Variants in TRMT2B observed in about 807,000 individuals in gnomAD.
TRMT2B encodes the protein tRNA methyltransferase 2B.
In TRMT2B, 34 loss-of-function variants were observed where a neutral mutation model predicts 39.7. The ratio of observed to expected loss-of-function variants is 0.86; its 90% CI spans 0.65 to 1.14. The LOEUF (loss-of-function observed/expected upper bound fraction) is 1.14, where lower values mean the gene tolerates loss of function less well. Ranked by LOEUF, TRMT2B falls within the 50% of genes most tolerant of loss-of-function variation. TRMT2B has a pLI of 0.00. For missense variants in TRMT2B, 318 were observed against 377.2 expected, an observed-to-expected ratio of 0.84 and a Z score of 1.30; for synonymous variants, 132 against 137.3, an observed-to-expected ratio of 0.96 and a Z score of 0.27.
At chrX:101,039,048 G>C (rs941133194) in intron 4 of TRMT2B, among the ~76,000 whole-genome samples, 1 of 110,973 alleles carries the variant, frequency 9.0e-6, no homozygotes, top group African/African-American at 3.3e-5. Flanking sequence ...ACCATGCCTG[G>C]CCTAAACTTT....
intron 2 of TRMT2B, among the ~76,000 whole-genome samples, chrX:101,048,109 C>CAGAT (rs1438344741): frequency 1.7e-5 from 1 of 57,899 alleles, no homozygotes; most frequent in African/African-American, 8.5e-5. Context: ...TACATTTATA[C>CAGAT]ACATACACAC....
At chrX:101,003,062 G>A in the TRMT2B span, among the ~76,000 whole-genome samples, 3 of 96,177 alleles carry the variant, frequency 3.1e-5, no homozygotes, top group East Asian at 3.0e-4. Context: ...ATAGAAGTGC[G>A]TGCCACCATG....
At chrX:101,047,806 G>A (rs1197947909) in intron 2 of TRMT2B, among the ~76,000 whole-genome samples, 1 of 109,239 alleles carries the variant, frequency 9.2e-6, no homozygotes, top group African/African-American at 3.3e-5. Context: ...AGAACTGGGC[G>A]ACAGAGCGAG....
At chrX:101,048,113 T>TACACACACACAC (rs56212711) in intron 2 of TRMT2B, among the ~76,000 whole-genome samples, 34 of 90,373 alleles carry the variant, frequency 3.8e-4, no homozygotes, top group East Asian at 3.3e-3. Flanking sequence ...TTTATACACA[T>TACACACACACAC]ACACACACAC....
Position 101,021,995 on chromosome X carries a change from C to T in TRMT2B, c.824G>A (p.Gly275Asp). Residue 275 changes from glycine to aspartate, a missense_variant, in exon 9 of 14, where the codon GGC (glycine) becomes GAC (aspartate). Transcript: ENST00000372936. ...FFIRGPGAAC[G>D]LTSLYFQEST... ...TTCCTGGAAGTAAAGTGAGGTCAAG[C>T]CACAGGCTGCTCCAGGACCTCTGAT... 8.3e-7 allele frequency: 1 copy of T among 1,210,611 alleles called. No homozygotes were observed. Among genetic ancestry groups the T allele is most frequent in the East Asian group, 3.0e-5 (1 of 33,835 alleles).
chrX:100,992,443 T>C, the TRMT2B span, among the ~76,000 whole-genome samples: 7 of 110,567 alleles, frequency 6.3e-5, no homozygotes, highest in African/African-American at 2.0e-4. Context: ...TAGCCGGGCA[T>C]GGTGGCACGA....
intron 7 of TRMT2B, among the ~76,000 whole-genome samples, chrX:101,034,612 A>C (rs962268603): frequency 1.8e-5 from 2 of 112,082 alleles, no homozygotes; most frequent in African/African-American, 6.5e-5. Context: ...ACAAAATTTA[A>C]ATTTTAAAAA....
rs1231698712 is a variant in TRMT2B at position 101,036,998 on chromosome X, CCA to C, written c.512_513del (p.Val171GlyfsTer18). 6 of 1,210,905 alleles carry C rather than the reference CCA, an allele frequency of 5.0e-6. No homozygotes were observed. The highest frequency in any genetic ancestry group is 6.7e-6 in the Non-Finnish European group (6 of 894,774). ...NRGPDGNPKT[V>X]GFYLGTWRDG... ...CCTCTCCAAGTTCCCAGGTAGAACC[CCA>C]CAGTCTTTGGATTGCCATCTGGACC... On this transcript the variant is annotated frameshift_variant, in exon 6 of 14. Coordinates refer to ENST00000372936, the MANE Select transcript of TRMT2B (RefSeq NM_024917.6). LOFTEE classifies it high-confidence loss of function.
At chrX:100,974,125 A>G in the TRMT2B span, 1 of 1,184,743 alleles carries the variant, frequency 8.4e-7, no homozygotes, top group African/African-American at 1.8e-5. Context: ...TTTCATTTCT[A>G]GGAATGTGAC....
At chrX:100,995,194 T>G in the TRMT2B span, among the ~76,000 whole-genome samples, 1 of 111,200 alleles carries the variant, frequency 9.0e-6, no homozygotes, top group African/African-American at 3.3e-5. Context: ...GACATGAAAG[T>G]GTATAGAGAA....
At chrX:101,037,714 A>C (rs1444819991) in intron 5 of TRMT2B, among the ~76,000 whole-genome samples, 1 of 111,321 alleles carries the variant, frequency 9.0e-6, no homozygotes, top group Non-Finnish European at 1.9e-5. Flanking sequence ...CAAATTACTA[A>C]ATCTCTCTGG....
intron 4 of TRMT2B, among the ~76,000 whole-genome samples, chrX:101,039,085 T>C (rs2148055869): frequency 9.1e-6 from 1 of 109,996 alleles, no homozygotes; most frequent in East Asian, 2.9e-4. Context: ...TTGTTTTTTT[T>C]TGAGACGGAG....
chrX:101,031,080 C>T (rs1180856609), intron 7 of TRMT2B, among the ~76,000 whole-genome samples: 1 of 110,659 alleles, frequency 9.0e-6, no homozygotes, highest in Non-Finnish European at 1.9e-5. Flanking sequence ...CAAGCAATCC[C>T]CCTGTCTCAG....
chrX:100,974,820 C>T, the TRMT2B span, among the ~76,000 whole-genome samples: 2 of 111,970 alleles, frequency 1.8e-5, no homozygotes, highest in African/African-American at 6.5e-5. Flanking sequence ...GAAGCCAGCA[C>T]TGTCTGTCAC....
intron 13 of TRMT2B, among the ~76,000 whole-genome samples, chrX:101,012,845 G>A (rs1323520184): frequency 9.2e-6 from 1 of 108,941 alleles, no homozygotes; most frequent in African/African-American, 3.3e-5. Flanking sequence ...TTGAGACGGA[G>A]TCTCACTCTA....
chrX:101,011,691 C>T (rs1445749095), intron 13 of TRMT2B, among the ~76,000 whole-genome samples: 1 of 110,951 alleles, frequency 9.0e-6, no homozygotes, highest in Non-Finnish European at 1.9e-5. Context: ...CTCAGAAGTT[C>T]GAGACCAGCC....
downstream of TRMT2B, among the ~76,000 whole-genome samples, chrX:101,007,440 G>A (rs903731997): frequency 2.7e-5 from 3 of 111,077 alleles, no homozygotes; most frequent in Middle Eastern, 4.7e-3. Flanking sequence ...TGAGGTCAGC[G>A]GTTCGAGACC....
At chrX:101,029,472 C>T (rs2087317777) in intron 7 of TRMT2B, among the ~76,000 whole-genome samples, 1 of 111,128 alleles carries the variant, frequency 9.0e-6, no homozygotes, top group Non-Finnish European at 1.9e-5. Flanking sequence ...CCTCCAGCCC[C>T]CACAACTTTT....
At chrX:101,027,366 G>T (rs1311442867) in intron 7 of TRMT2B, among the ~76,000 whole-genome samples, 3 of 109,375 alleles carry the variant, frequency 2.7e-5, no homozygotes, top group African/African-American at 1.0e-4. Context: ...TGAGTAGCTG[G>T]GACTACAGGC....
Sources: gnomAD v4.1 joint callset for allele counts (sites outside exome capture counted in the v4.1 genomes callset) on GRCh38, gnomAD v4.1.1 for gene constraint, MANE v1.5 for transcripts, NCBI Gene and HGNC (gene_info 2026-07-23, HGNC 2026-07-21) for gene names.